AKAP9: variants seen among roughly 807,000 people sequenced by gnomAD.
The protein encoded by AKAP9 is A-kinase anchoring protein 9.
AKAP9 carries 311 observed loss-of-function variants against 488.5 expected under a neutral mutation model. The ratio of observed to expected loss-of-function variants is 0.64; its 90% CI spans 0.58 to 0.70. The LOEUF is 0.70. Among genes scored for constraint, AKAP9 ranks in the 30% least tolerant of loss-of-function variants. The pLI is 0.00. For missense variants in AKAP9, 4,215 were observed against 4,374.5 expected (o/e 0.96, Z 1.03); for synonymous variants, 1,462 against 1,483.5 (o/e 0.99, Z 0.33).
At chr7:92,000,752 A>G in intron 7 of AKAP9, 96 bp from the exon 8 acceptor site, 1 of 683,078 alleles carries the variant, frequency 1.5e-6, no homozygotes, top group East Asian at 3.0e-5. Flanking sequence ...TTTTTAAAAG[A>G]GAAACTTCTG....
At chr7:91,998,009 A>T (rs562744404) in intron 7 of AKAP9, among the ~76,000 whole-genome samples, 1 of 152,310 alleles carries the variant, frequency 6.6e-6, no homozygotes, top group South Asian at 2.1e-4. Context: ...CACCAGGGCC[A>T]GTTTCGTGGA....
intron 32 of AKAP9, 23 bp from the exon 33 acceptor site, chr7:92,083,147 C>T (rs766014488): frequency 1.4e-5 from 22 of 1,611,774 alleles, no homozygotes; most frequent in Non-Finnish European, 1.4e-5. Flanking sequence ...GAATGCCCTA[C>T]TGTTCTATTC....
rs555080161 is a variant in AKAP9 at position 92,012,363 on chromosome 7, AAAG to A, written c.3319-62_3319-60del. ...CTCTTGTAGTCAGTATATGCAAAAA[AAAG>A]AAGTTAAATTATTTGATTTGTCATT... On this transcript the variant is annotated intron_variant, in intron 8 of 49. Coordinates refer to ENST00000356239, the MANE Select transcript of AKAP9 (RefSeq NM_005751.5). The A allele has an allele frequency of 3.0e-4, 430 of 1,453,542 alleles. No homozygotes were observed. In the African/African-American group the frequency reaches 4.5e-3, roughly 15 times the overall value. The allele number at this position is 1,453,542 out of a possible 1,614,324, so 90.0% of individuals were successfully genotyped here.
At position 91,940,886 on chromosome 7, in the gene AKAP9, C is replaced by A; in HGVS notation, c.-214C>A. 3 of 558,730 alleles carry A rather than the reference C, an allele frequency of 5.4e-6. No individual in the cohort carries two copies. The highest frequency in any genetic ancestry group is 4.1e-5 in the South Asian group (2 of 48,488). 34.6% of individuals were successfully genotyped at this position (558,730 alleles called of 1,614,324 possible). On this transcript the variant is annotated 5_prime_UTR_variant, in exon 1 of 50. Coordinates refer to ENST00000356239, the MANE Select transcript of AKAP9 (RefSeq NM_005751.5). ...TGTGTTTACGTGGAGACGAAGATGG[C>A]GGCGGCGGCGGCGGTGACGGCGCTT...
chr7:92,077,030 T>C (rs201524278), intron 29 of AKAP9, 23 bp downstream of exon 29: 19 of 1,417,582 alleles, frequency 1.3e-5, no homozygotes, highest in Non-Finnish European at 1.5e-5. Context: ...GAAAAACTTT[T>C]ATCTGTAAAT....
intron 5 of AKAP9, among the ~76,000 whole-genome samples, chr7:91,993,320 C>A (rs1238928047): frequency 6.6e-6 from 1 of 151,672 alleles, no homozygotes; most frequent in Non-Finnish European, 1.5e-5. Flanking sequence ...TTGTGAGTAA[C>A]TGGGACTACA....
rs1276909191 is a variant in AKAP9 at position 92,084,823 on chromosome 7, T to C, written c.8715T>C (p.Ser2905=). 1 of 1,613,130 alleles carries C rather than the reference T, an allele frequency of 6.2e-7. No homozygotes were observed. Among genetic ancestry groups the C allele is most frequent in the Non-Finnish European group, 8.5e-7 (1 of 1,179,604 alleles). ...AAATTATTTTCTTTATTTTAGATTC[T>C]GGATCAGACTGGGGTCAGGGAATTT... ...YQTREICSSD[S]GSDWGQGIYL... Residue 2905 remains serine (S), a synonymous_variant, in exon 35 of 50, where the codon TCT becomes TCC. Transcript: ENST00000356239.
At chr7:91,961,016 TA>T (rs1291582026) in intron 1 of AKAP9, among the ~76,000 whole-genome samples, 1 of 152,242 alleles carries the variant, frequency 6.6e-6, no homozygotes, top group Non-Finnish European at 1.5e-5. Flanking sequence ...TGTTATTAAA[TA>T]ATAGTAGACT....
chr7:92,068,365 C>CAAAAAAAA (rs77237109), intron 26 of AKAP9, among the ~76,000 whole-genome samples: 38 of 46,322 alleles, frequency 8.2e-4, no homozygotes, highest in Admixed American at 1.3e-3. Context: ...GACTCCGTCT[C>CAAAAAAAA]AAAAAAAAAA....
At chr7:92,063,957 CT>C (rs955147518) in intron 24 of AKAP9, among the ~76,000 whole-genome samples, 8 of 151,736 alleles carry the variant, frequency 5.3e-5, no homozygotes, top group African/African-American at 1.9e-4. Flanking sequence ...ATTTTTTGTA[CT>C]TTTAGTAGAG....
chr7:92,084,622 T>G lies in AKAP9; in HGVS notation c.8647-18T>G, dbSNP rs770504309. On this transcript the variant is annotated intron_variant, in intron 33 of 49. Coordinates refer to ENST00000356239, the MANE Select transcript of AKAP9 (RefSeq NM_005751.5). ...ATTAAAGCAAAAAATATATGTACTT[T>G]TTGTTTTCTCTAATTAGGGATCCTC... The G allele has an allele frequency of 6.3e-7, 1 of 1,590,628 alleles. No homozygotes were observed. The highest frequency in any genetic ancestry group is 1.1e-5 in the South Asian group (1 of 89,540).
chr7:92,014,544 G>A (rs1046462465), intron 10 of AKAP9, among the ~76,000 whole-genome samples: 21 of 152,284 alleles, frequency 1.4e-4, no homozygotes, highest in African/African-American at 4.3e-4. Context: ...CATTGGAATT[G>A]CTTGGGCATG....
intron 1 of AKAP9, among the ~76,000 whole-genome samples, chr7:91,963,701 G>A (rs958151320): frequency 6.6e-6 from 1 of 152,108 alleles, no homozygotes; most frequent in Non-Finnish European, 1.5e-5. Context: ...TGTATTTTTA[G>A]TAGAGATGTG....
Position 92,002,896 on chromosome 7 carries a change from A to G in AKAP9, c.2979A>G (p.Arg993=). ...LKQEKEQVSL[R]CRELEIIINH... is the part of the protein sequence containing the mutation. The stretch of plus-strand genomic sequence containing the variant: ...AAGAGAAAGAACAAGTTTCATTGAG[A>G]TGTAGAGAGCTAGAAATCATTATTA... The change falls in exon 8 of 50, where the codon AGA becomes AGG. Residue 993 remains arginine, a synonymous_variant. Coordinates refer to ENST00000356239, the MANE Select transcript of AKAP9 (RefSeq NM_005751.5). The G allele has an allele frequency of 6.2e-7, 1 of 1,612,432 alleles. No homozygotes were observed. The highest frequency in any genetic ancestry group is 8.5e-7 in the Non-Finnish European group (1 of 1,179,298).
intron 11 of AKAP9, among the ~76,000 whole-genome samples, chr7:92,016,675 G>T (rs1226822223): frequency 1.3e-5 from 2 of 151,938 alleles, no homozygotes. Flanking sequence ...TCTTAATATA[G>T]ATCTGCTATA....
chr7:92,073,340 C>T (rs375742812), intron 28 of AKAP9, among the ~76,000 whole-genome samples: 13 of 127,094 alleles, frequency 1.0e-4, no homozygotes, highest in Admixed American at 2.4e-4. Context: ...ACTAAAAATA[C>T]AAAAAAAAAA....
intron 46 of AKAP9, among the ~76,000 whole-genome samples, chr7:92,104,201 T>A (rs868040065): frequency 0.037 from 5,562 of 150,640 alleles, 294 homozygotes; most frequent in African/African-American, 0.11. Context: ...TTTTTTTTTT[T>A]TTTTTTTGAG....
intron 7 of AKAP9, among the ~76,000 whole-genome samples, chr7:91,998,268 T>C (rs1159207604): frequency 6.6e-6 from 1 of 151,792 alleles, no homozygotes; most frequent in Non-Finnish European, 1.5e-5. Context: ...AACCTGGAGG[T>C]TGGGGACCCC....
At position 92,014,156 on chromosome 7, in the gene AKAP9, G is replaced by A; in HGVS notation, c.3533-93G>A. The A allele has an allele frequency of 2.1e-5, 17 of 821,190 alleles. No individual in the cohort carries two copies. In the South Asian group the frequency reaches 2.5e-4, roughly 12 times the overall value. The allele number at this position is 821,190 out of a possible 1,614,324, so 50.9% of individuals were successfully genotyped here. ...TAAAGAATTTAAAATGATTCTTATT[G>A]CAGGGGAGCTTCCAGTTGAAACATA... On this transcript the variant is annotated intron_variant, in intron 9 of 49. Transcript: ENST00000356239.
Sources: allele counts gnomAD v4.1 joint callset (sites outside exome capture counted in the v4.1 genomes callset), GRCh38; gene constraint gnomAD v4.1.1; transcripts MANE v1.5; gene names NCBI Gene and HGNC (gene_info 2026-07-23, HGNC 2026-07-21).